ISY1: variants seen among roughly 807,000 people sequenced by gnomAD.
The protein encoded by ISY1 is pre-mRNA-splicing factor ISY1 homolog.
In ISY1, 12 loss-of-function variants were observed where a neutral mutation model predicts 54.4. The ratio of observed to expected loss-of-function variants is 0.22; its 90% confidence interval spans 0.14 to 0.36. The LOEUF is 0.36. Among genes scored for constraint, ISY1 ranks in the 10% least tolerant of loss-of-function variants. ISY1 has a pLI of 1.00. For synonymous variants in ISY1, 96 were observed against 117.9 expected (o/e 0.81, Z 1.20); for missense variants, 282 against 342.2 (o/e 0.82, Z 1.39).
At chr3:129,152,754 T>C (rs1014562917) in intron 5 of ISY1, among the ~76,000 whole-genome samples, 1 of 152,194 alleles carries the variant, frequency 6.6e-6, no homozygotes, top group Non-Finnish European at 1.5e-5. Context: ...GATTTTTGTC[T>C]ATATTCATAG....
At chr3:129,156,174 G>A (rs1178747519) in intron 5 of ISY1, among the ~76,000 whole-genome samples, 6 of 151,914 alleles carry the variant, frequency 3.9e-5, no homozygotes, top group South Asian at 2.1e-4. Context: ...TGAGGCGGGC[G>A]AATTGCAAGG....
intron 5 of ISY1, among the ~76,000 whole-genome samples, chr3:129,150,213 T>C (rs1035543195): frequency 2.0e-5 from 3 of 152,146 alleles, no homozygotes; most frequent in African/African-American, 7.2e-5. Context: ...ATTTCAGACA[T>C]AGAATGTCAA....
rs1378997086 is a variant in ISY1, at chr3:129,129,271, C to T, written c.*810G>A. ...AATAGCAAACTCAAATTCCTGCCACCCAGGCAGGAGCGAGTGGAGCAGGTG... is the reference window on the plus strand; with the variant it reads ...AATAGCAAACTCAAATTCCTGCCACTCAGGCAGGAGCGAGTGGAGCAGGTG... On this transcript the variant is annotated 3_prime_UTR_variant, in exon 11 of 11. Coordinates refer to ENST00000393295, the MANE Select transcript of ISY1 (RefSeq NM_020701.4). The T allele has an allele frequency of 6.6e-6, 1 of 152,160 alleles. No individual in the cohort carries two copies. Among genetic ancestry groups the T allele is most frequent in the Non-Finnish European group, 1.5e-5 (1 of 68,056 alleles). 9.4% of individuals were successfully genotyped at this position (152,160 alleles called of 1,614,324 possible). A position where few individuals can be genotyped will look rare whatever the true frequency, so the allele number is the denominator to read the frequency against.
At position 129,129,798 on chromosome 3, in the gene ISY1, T is replaced by C. The variant is rs1936187869; in HGVS notation, c.*283A>G. The stretch of plus-strand genomic sequence containing the variant: ...CTAATTGATTCTTCTCCCCTCAAAA[T>C]GGCAGTGCAAGTCAAAATAAGACAC... On this transcript the variant is annotated 3_prime_UTR_variant, in exon 11 of 11. Transcript: ENST00000393295. 3.2e-6 allele frequency: 1 copy of C among 314,672 alleles called. No homozygotes were observed. The highest frequency in any genetic ancestry group is 5.8e-6 in the Non-Finnish European group (1 of 173,522). The allele number at this position is 314,672 out of a possible 1,614,324, so 19.5% of individuals were successfully genotyped here.
intron 7 of ISY1, among the ~76,000 whole-genome samples, chr3:129,138,737 C>T (rs1160724464): frequency 6.6e-6 from 1 of 150,916 alleles, no homozygotes; most frequent in African/African-American, 2.4e-5. Context: ...ATTACTTGAA[C>T]CCGGGAGGCA....
intron 5 of ISY1, among the ~76,000 whole-genome samples, chr3:129,146,498 T>C (rs1936768318): frequency 6.6e-6 from 1 of 152,100 alleles, no homozygotes; most frequent in Middle Eastern, 3.4e-3. Context: ...AAGGGACAAT[T>C]TGCACACAGT....
intron 5 of ISY1, among the ~76,000 whole-genome samples, chr3:129,154,761 T>C (rs561690805): frequency 6.7e-6 from 1 of 150,216 alleles, no homozygotes; most frequent in East Asian, 2.0e-4. Flanking sequence ...CGATCTCAGC[T>C]CACTGCAAGC....
intron 6 of ISY1, among the ~76,000 whole-genome samples, chr3:129,142,969 C>T (rs1188730932): frequency 7.9e-5 from 12 of 152,162 alleles, no homozygotes; most frequent in African/African-American, 2.4e-4. Flanking sequence ...GCATGAGAAT[C>T]GCTTGAACCC....
At chr3:129,157,572 T>C (rs1937178721) in intron 3 of ISY1, among the ~76,000 whole-genome samples, 1 of 151,756 alleles carries the variant, frequency 6.6e-6, no homozygotes, top group East Asian at 1.9e-4. Context: ...TACAAAAAAA[T>C]TAGCTGGGTG....
intron 5 of ISY1, among the ~76,000 whole-genome samples, chr3:129,152,182 A>G (rs1026083336): frequency 6.6e-6 from 1 of 152,062 alleles, no homozygotes; most frequent in Admixed American, 6.6e-5. Context: ...GAAGTGCTTT[A>G]TCAGGGTAAA....
At position 129,149,848 on chromosome 3, in the gene ISY1, T is replaced by C. The variant is rs976863601; in HGVS notation, c.188-3975A>G. ...AATTAGCCAGGCATGGTGGCATGCGTCTGCAGTCTCAGCTACATGAGAGTT... is the reference window on the plus strand; with the variant it reads ...AATTAGCCAGGCATGGTGGCATGCGCCTGCAGTCTCAGCTACATGAGAGTT... On this transcript the variant is annotated intron_variant, in intron 5 of 10. Coordinates refer to ENST00000393295, the MANE Select transcript of ISY1 (RefSeq NM_020701.4). Among the ~76,000 whole-genome samples, 8 of 148,270 alleles carry C rather than the reference T, an allele frequency of 5.4e-5. 1 individual carries two copies. The highest frequency in any genetic ancestry group is 1.5e-4 in the African/African-American group (6 of 40,460).
chr3:129,147,670 C>T (rs1279956955), intron 5 of ISY1, among the ~76,000 whole-genome samples: 1 of 152,134 alleles, frequency 6.6e-6, no homozygotes, highest in Non-Finnish European at 1.5e-5. Context: ...TTTTGGTACA[C>T]AATTATGTGA....
At chr3:129,137,013 G>T (rs1257628958) in intron 7 of ISY1, 1 of 152,066 alleles carries the variant, frequency 6.6e-6, no homozygotes, top group African/African-American at 2.4e-5. Flanking sequence ...TCCTGCCTCA[G>T]CCTCCCAAGT....
At chr3:129,130,241 T>G in intron 10 of ISY1, 53 bp from the exon 11 acceptor site, 1 of 1,531,456 alleles carries the variant, frequency 6.5e-7, no homozygotes, top group Non-Finnish European at 8.7e-7. Flanking sequence ...CCTCAACCCC[T>G]GCCAGACCCA....
intron 5 of ISY1, among the ~76,000 whole-genome samples, chr3:129,146,771 A>G (rs937041741): frequency 6.6e-6 from 1 of 152,182 alleles, no homozygotes; most frequent in Non-Finnish European, 1.5e-5. Context: ...TAAAAAAGTC[A>G]AACAGGCCAG....
chr3:129,133,986 CTG>C (rs1936315687), intron 9 of ISY1, 86 bp downstream of exon 9: 1 of 1,581,658 alleles, frequency 6.3e-7, no homozygotes, highest in East Asian at 2.2e-5. Context: ...AACCCTGACT[CTG>C]TATTTGGGAG....
In ISY1 at chr3:129,156,679, T is replaced by G. The variant is rs753128099; in HGVS notation, c.145-4A>C. On this transcript the variant is annotated splice_polypyrimidine_tract_variant and splice_region_variant and intron_variant, in intron 4 of 10. Transcript: ENST00000393295. ...TTTTAGAGATCTCTCCAATGATCTA[T>G]TAAAAAAAAGTAATACATTTTAATA... is the stretch of plus-strand genomic sequence containing the variant. The G allele has an allele frequency of 6.2e-7, 1 of 1,603,020 alleles. No homozygotes were observed. The highest frequency in any genetic ancestry group is 1.1e-5 in the South Asian group (1 of 87,510).
intron 9 of ISY1, 77 bp from the exon 10 acceptor site, chr3:129,130,713 C>T (rs758139197): frequency 2.0e-6 from 3 of 1,466,568 alleles, no homozygotes; most frequent in Non-Finnish European, 2.8e-6. Flanking sequence ...AAACACACTA[C>T]TCTGCAACTA....
intron 10 of ISY1, 117 bp from the exon 11 acceptor site, chr3:129,130,305 G>A (rs991015831): frequency 4.4e-6 from 6 of 1,374,924 alleles, no homozygotes; most frequent in East Asian, 2.5e-5. Context: ...ATTTAAATAC[G>A]CAGAATAGTC....
Sources: allele counts gnomAD v4.1 joint callset (sites outside exome capture counted in the v4.1 genomes callset), GRCh38; gene constraint gnomAD v4.1.1; transcripts MANE v1.5; gene names NCBI Gene and HGNC (gene_info 2026-07-23, HGNC 2026-07-21).